The following CNBD1 variants were observed in gnomAD, a reference collection of about 807,000 sequenced individuals.
CNBD1 encodes cyclic nucleotide binding domain containing 1, also known as cyclic nucleotide-binding domain-containing protein 1.
A neutral mutation model predicts 54.4 loss-of-function variants in CNBD1; 71 were observed. That is an observed-to-expected ratio of 1.30 (90% confidence interval 1.08 to 1.59). The LOEUF (loss-of-function observed/expected upper bound fraction) is 1.59. CNBD1 is among the 40% of genes most tolerant of loss of function. The pLI, the probability that CNBD1 is intolerant of heterozygous loss-of-function variation, is 0.00. For missense variants in CNBD1, 659 were observed against 518.0 expected, an observed-to-expected ratio of 1.27 and a Z score of -2.64; for synonymous variants, 182 against 170.7, an observed-to-expected ratio of 1.07 and a Z score of -0.51.
chr8:87,276,434 G>A (rs1808481392), intron 6 of CNBD1, among the ~76,000 whole-genome samples: 1 of 151,808 alleles, frequency 6.6e-6, no homozygotes, highest in African/African-American at 2.4e-5. Context: ...AGGCTTGGAT[G>A]CCATGGTCTG....
intron 1 of CNBD1, among the ~76,000 whole-genome samples, chr8:86,880,519 T>C (rs1441059722): frequency 1.3e-5 from 2 of 152,144 alleles, no homozygotes; most frequent in East Asian, 3.9e-4. Context: ...TATGAAAGAC[T>C]TGAGCATCTA....
intron 4 of CNBD1, among the ~76,000 whole-genome samples, chr8:87,028,028 C>T (rs922876355): frequency 3.9e-5 from 6 of 152,060 alleles, no homozygotes; most frequent in Admixed American, 2.6e-4. Context: ...CATTCACTTC[C>T]CTGGACACAC....
At chr8:87,393,107 G>A (rs115030456) in intron 2 of CNBD1, among the ~76,000 whole-genome samples, 2,861 of 151,966 alleles carry the variant, frequency 0.019, 92 homozygotes, top group African/African-American at 0.062. Flanking sequence ...CTAAAAGATT[G>A]AAAGTAGAGT....
At chr8:87,092,454 CAT>C (rs201861756) in intron 4 of CNBD1, among the ~76,000 whole-genome samples, 3,992 of 126,222 alleles carry the variant, frequency 0.032, 206 homozygotes, top group African/African-American at 0.12. Context: ...TATATATACA[CAT>C]ATGTGTGTGT....
chr8:87,422,789 A>C (rs1206851219), intron 2 of CNBD1, among the ~76,000 whole-genome samples: 2 of 152,098 alleles, frequency 1.3e-5, no homozygotes, highest in Admixed American at 6.5e-5. Context: ...ACTTTAAAGT[A>C]GTTTTTCCCA....
intron 4 of CNBD1, among the ~76,000 whole-genome samples, chr8:87,164,354 G>T (rs1812918439): frequency 6.6e-6 from 1 of 151,834 alleles, no homozygotes; most frequent in African/African-American, 2.4e-5. Flanking sequence ...AAGCAGTTGA[G>T]AAAGATTGGT....
intron 8 of CNBD1, among the ~76,000 whole-genome samples, chr8:87,290,757 T>C (rs1176951161): frequency 6.6e-6 from 1 of 152,186 alleles, no homozygotes; most frequent in African/African-American, 2.4e-5. Context: ...AAGCTGAAAT[T>C]GGGTTATTTT....
At chr8:87,354,590 T>C (rs527797396) in intron 10 of CNBD1, among the ~76,000 whole-genome samples, 1 of 151,604 alleles carries the variant, frequency 6.6e-6, no homozygotes, top group Non-Finnish European at 1.5e-5. Flanking sequence ...TGGTGTGTGA[T>C]GTTCCCCTTC....
chr8:87,058,406 G>A (rs944140564), intron 4 of CNBD1, among the ~76,000 whole-genome samples: 1 of 152,184 alleles, frequency 6.6e-6, no homozygotes, highest in Non-Finnish European at 1.5e-5. Context: ...CAGTGTTCCA[G>A]TTGGGACTCT....
intron 5 of CNBD1, among the ~76,000 whole-genome samples, chr8:87,214,803 G>A (rs370468568): frequency 3.3e-5 from 5 of 152,226 alleles, no homozygotes; most frequent in East Asian, 3.9e-4. Context: ...TTCTAAAACC[G>A]TCAGCTCTTG....
chr8:87,113,930 A>T (rs533052449), intron 4 of CNBD1, among the ~76,000 whole-genome samples: 1 of 152,130 alleles, frequency 6.6e-6, no homozygotes, highest in Non-Finnish European at 1.5e-5. Flanking sequence ...AAAAAAAAGA[A>T]AAGAAAGAAA....
intron 4 of CNBD1, among the ~76,000 whole-genome samples, chr8:87,121,472 CA>C (rs1410535777): frequency 6.6e-5 from 10 of 151,714 alleles, no homozygotes; most frequent in Non-Finnish European, 1.2e-4. Flanking sequence ...ATAATTAATT[CA>C]AGCCAATTGA....
At chr8:87,057,032 T>C (rs950741959) in intron 4 of CNBD1, among the ~76,000 whole-genome samples, 3 of 152,110 alleles carry the variant, frequency 2.0e-5, no homozygotes, top group Non-Finnish European at 4.4e-5. Context: ...CAATGTTACT[T>C]CTATTATTAT....
intron 5 of CNBD1, among the ~76,000 whole-genome samples, chr8:87,217,034 T>C (rs973645260): frequency 5.3e-5 from 8 of 152,158 alleles, no homozygotes; most frequent in Admixed American, 2.0e-4. Context: ...TGATGTAATA[T>C]GTCCTTTTTA....
intron 2 of CNBD1, among the ~76,000 whole-genome samples, chr8:86,900,890 C>A (rs1808922008): frequency 6.6e-6 from 1 of 152,066 alleles, no homozygotes; most frequent in South Asian, 2.1e-4. Flanking sequence ...TCCTTCAGAA[C>A]TTTATGAAAA....
chr8:87,360,341 AC>A (rs1224400429), intron 10 of CNBD1, among the ~76,000 whole-genome samples: 3 of 151,908 alleles, frequency 2.0e-5, no homozygotes, highest in Non-Finnish European at 4.4e-5. Context: ...TTGGTGGTTA[AC>A]TTTTGGAAGT....
At chr8:87,199,727 G>C (rs1813812586) in intron 4 of CNBD1, among the ~76,000 whole-genome samples, 1 of 152,120 alleles carries the variant, frequency 6.6e-6, no homozygotes, top group South Asian at 2.1e-4. Context: ...TTTTAGAGCA[G>C]GGGTTTTACA....
At chr8:87,025,556 C>T (rs970960415) in intron 4 of CNBD1, among the ~76,000 whole-genome samples, 8 of 151,286 alleles carry the variant, frequency 5.3e-5, no homozygotes, top group East Asian at 3.9e-4. Flanking sequence ...TCAGCGAGAC[C>T]GCGAACCCAC....
intron 10 of CNBD1, among the ~76,000 whole-genome samples, chr8:87,368,961 C>T (rs1418569892): frequency 2.6e-5 from 4 of 151,908 alleles, no homozygotes; most frequent in African/African-American, 9.7e-5. Flanking sequence ...CTTAATATTA[C>T]AGAGCTATTA....
Sources: gnomAD v4.1 joint callset for allele counts (sites outside exome capture counted in the v4.1 genomes callset) on GRCh38, gnomAD v4.1.1 for gene constraint, MANE v1.5 for transcripts, NCBI Gene and HGNC (gene_info 2026-07-23, HGNC 2026-07-21) for gene names.